SH3BP4: variants seen among roughly 807,000 people sequenced by gnomAD.
The protein encoded by SH3BP4 is SH3 domain-binding protein 4.
In SH3BP4, 33 loss-of-function variants were observed where a neutral mutation model predicts 65.5. The observed-to-expected ratio is 0.50, with a 90% CI of 0.38 to 0.67. SH3BP4 has a LOEUF of 0.67. Ranked by LOEUF, SH3BP4 falls within the 30% of genes least tolerant of loss-of-function variation. The pLI is 0.00. For synonymous variants in SH3BP4, 552 were observed against 545.5 expected (o/e 1.01, Z -0.17); for missense variants, 1,134 against 1,261.4 (o/e 0.90, Z 1.53).
rs117213817 is a variant in SH3BP4 at position 235,054,869 on chromosome 2, C to G, written c.*1053C>G. ...TGCAGAGGTGCCAGCTGCCATTTGC[C>G]AAACTCTGCATTTCATTTCATCTAA... is the stretch of plus-strand genomic sequence containing the variant. On this transcript the variant is annotated 3_prime_UTR_variant, in exon 6 of 6. Transcript: ENST00000392011. 6.6e-6 allele frequency: 1 copy of G among 152,210 alleles called. No homozygotes were observed. The highest frequency in any genetic ancestry group is 2.4e-5 in the African/African-American group (1 of 41,452). 9.4% of individuals were successfully genotyped at this position (152,210 alleles called of 1,614,324 possible). A position where few individuals can be genotyped will look rare whatever the true frequency, so the allele number is the denominator to read the frequency against.
In SH3BP4 at chr2:234,954,168, A is replaced by AT. The variant is rs1692537904; in HGVS notation, c.-207+2005dup. Among the ~76,000 whole-genome samples the AT allele has an allele frequency of 5.9e-5, 9 of 151,954 alleles. 1 individual carries two copies. Among genetic ancestry groups the AT allele is most frequent in the African/African-American group, 2.2e-4 (9 of 41,456 alleles). On this transcript the variant is annotated intron_variant, in intron 1 of 5. Transcript: ENST00000392011. ...GGACACTTCTGTGAGCTTTATTATT[A>AT]TTTTTTTCCTGTTGTCCCAAGACTA... is the stretch of plus-strand genomic sequence containing the variant.
At chr2:235,028,099 T>C (rs1261318082) in intron 2 of SH3BP4, among the ~76,000 whole-genome samples, 1 of 152,256 alleles carries the variant, frequency 6.6e-6, no homozygotes, top group Non-Finnish European at 1.5e-5. Context: ...AAGAGCAGCC[T>C]CTTTTGTCTC....
At position 234,976,013 on chromosome 2, in the gene SH3BP4, C is replaced by T. The variant is rs1693155428; in HGVS notation, c.-206-19290C>T. 6.6e-6 allele frequency among the ~76,000 whole-genome samples: 1 copy of T among 152,238 alleles called. No homozygotes were observed. Among genetic ancestry groups the T allele is most frequent in the Non-Finnish European group, 1.5e-5 (1 of 68,044 alleles). ...CTCCAGCCTCAGTTTCCTGTCTCGT[C>T]AGCCCCATAGAAACTGAGCTCTCCA... On this transcript the variant is annotated intron_variant, in intron 1 of 5. Coordinates refer to ENST00000392011, the MANE Select transcript of SH3BP4 (RefSeq NM_014521.3). The surrounding 1 kb of genome is among the most constrained non-coding windows in gnomAD (Gnocchi z 4.7).
At chr2:234,961,570 C>T (rs1214987680) in intron 1 of SH3BP4, among the ~76,000 whole-genome samples, 5 of 152,186 alleles carry the variant, frequency 3.3e-5, no homozygotes, top group African/African-American at 4.8e-5. Flanking sequence ...CTGCGCCCGG[C>T]CTCCATGTTG....
At chr2:234,987,606 G>T (rs1185807178) in intron 1 of SH3BP4, among the ~76,000 whole-genome samples, 1 of 152,152 alleles carries the variant, frequency 6.6e-6, no homozygotes, top group Non-Finnish European at 1.5e-5. Flanking sequence ...ACTTATTCAT[G>T]CGAGAGAGTT....
intron 1 of SH3BP4, among the ~76,000 whole-genome samples, chr2:234,984,889 A>T (rs1017106521): frequency 6.6e-6 from 1 of 152,138 alleles, no homozygotes; most frequent in African/African-American, 2.4e-5. Flanking sequence ...AGGAAAAGCT[A>T]ATCGGGGGTC....
intron 2 of SH3BP4, among the ~76,000 whole-genome samples, chr2:235,012,595 G>A (rs1229667968): frequency 1.3e-5 from 2 of 152,178 alleles, no homozygotes; most frequent in African/African-American, 2.4e-5. Context: ...CTGACCCCAA[G>A]CCTCGCTCAT....
intron 3 of SH3BP4, among the ~76,000 whole-genome samples, chr2:235,040,497 T>G (rs1307014481): frequency 1.3e-5 from 2 of 151,364 alleles, no homozygotes; most frequent in Non-Finnish European, 2.9e-5. Context: ...GTCACCGTGT[T>G]TTCTAAGTTA....
rs1696182889 is a variant in SH3BP4, at chr2:235,055,065, A to G, written c.*1249A>G. 6.6e-6 allele frequency: 1 copy of G among 152,252 alleles called. No individual in the cohort carries two copies. The highest frequency in any genetic ancestry group is 6.5e-5 in the Admixed American group (1 of 15,284). 9.4% of individuals were successfully genotyped at this position (152,252 alleles called of 1,614,324 possible). ...AGGAACTTGACACAGTGTTGCATTA[A>G]TAACTTTAGGGTGCAGACATGCTGT... On this transcript the variant is annotated 3_prime_UTR_variant, in exon 6 of 6. Coordinates refer to ENST00000392011, the MANE Select transcript of SH3BP4 (RefSeq NM_014521.3).
intron 4 of SH3BP4, among the ~76,000 whole-genome samples, chr2:235,050,369 A>G (rs578232444): frequency 2.0e-4 from 31 of 152,048 alleles, no homozygotes; most frequent in African/African-American, 7.0e-4. Flanking sequence ...CACCTGCCTC[A>G]GCCTCCCAAA....
chr2:235,037,887 A>C (rs1695437009), intron 3 of SH3BP4, among the ~76,000 whole-genome samples: 1 of 151,984 alleles, frequency 6.6e-6, no homozygotes, highest in African/African-American at 2.4e-5. Flanking sequence ...ATATTAAATA[A>C]TTTGTTGGTT....
intron 1 of SH3BP4, among the ~76,000 whole-genome samples, chr2:234,965,955 G>A (rs987967692): frequency 3.9e-5 from 6 of 152,184 alleles, no homozygotes; most frequent in Non-Finnish European, 7.4e-5. Context: ...GTCTGGAAGG[G>A]AATGTACAAA....
At chr2:235,029,951 A>G (rs1695127182) in intron 2 of SH3BP4, among the ~76,000 whole-genome samples, 1 of 152,184 alleles carries the variant, frequency 6.6e-6, no homozygotes, top group Non-Finnish European at 1.5e-5. Context: ...GGTTGAAGGA[A>G]CAATGCAGAG....
At chr2:234,961,576 T>A (rs1417311170) in intron 1 of SH3BP4, among the ~76,000 whole-genome samples, 3 of 152,106 alleles carry the variant, frequency 2.0e-5, no homozygotes. Flanking sequence ...CCGGCCTCCA[T>A]GTTGGTTTTG....
chr2:234,985,966 G>A (rs73124260), intron 1 of SH3BP4, among the ~76,000 whole-genome samples: 115 of 140,028 alleles, frequency 8.2e-4, no homozygotes, highest in African/African-American at 3.1e-3. Flanking sequence ...ATCTATGAGC[G>A]CAGAGACCAC....
Position 234,997,237 on chromosome 2 carries a change from C to CA in SH3BP4, c.-133+1862dup, listed in dbSNP as rs1438067923. ...TGATTTTCGTTTTGCCTTGTTTTCC[C>CA]AGAGGCATACATGTAGTGTTTTCTT... On this transcript the variant is annotated intron_variant, in intron 2 of 5. Coordinates refer to ENST00000392011, the MANE Select transcript of SH3BP4 (RefSeq NM_014521.3). The surrounding 1 kb of genome is among the most constrained non-coding windows in gnomAD (Gnocchi z 4.2). Among the ~76,000 whole-genome samples, 5 of 152,222 alleles carry CA rather than the reference C, an allele frequency of 3.3e-5. No homozygotes were observed. The highest frequency in any genetic ancestry group is 3.3e-4 in the Admixed American group (5 of 15,288).
At chr2:234,964,546 G>A (rs1057203601) in intron 1 of SH3BP4, among the ~76,000 whole-genome samples, 10 of 151,884 alleles carry the variant, frequency 6.6e-5, no homozygotes, top group Admixed American at 1.3e-4. Flanking sequence ...TGTACTGGGG[G>A]TCAGGACAGG....
At position 234,956,370 on chromosome 2, in the gene SH3BP4, A is replaced by G. The variant is rs536814109; in HGVS notation, c.-207+4200A>G. On this transcript the variant is annotated intron_variant, in intron 1 of 5. Coordinates refer to ENST00000392011, the MANE Select transcript of SH3BP4 (RefSeq NM_014521.3). ...TAAGGGTTCCACCTTCCTCTTTACAATCAAATAAATGACATACTAATGAGA... is the reference window on the plus strand; with the variant it reads ...TAAGGGTTCCACCTTCCTCTTTACAGTCAAATAAATGACATACTAATGAGA... Among the ~76,000 whole-genome samples the G allele has an allele frequency of 4.6e-5, 7 of 152,346 alleles. No individual in the cohort carries two copies. The South Asian group carries it at 1.0e-3, about 23-fold the overall frequency.
At chr2:234,957,864 G>A (rs1692623347) in intron 1 of SH3BP4, among the ~76,000 whole-genome samples, 1 of 152,106 alleles carries the variant, frequency 6.6e-6, no homozygotes, top group African/African-American at 2.4e-5. Flanking sequence ...TTGCAGAGCA[G>A]GGAATGTTTT....
Sources: allele counts gnomAD v4.1 joint callset (sites outside exome capture counted in the v4.1 genomes callset), GRCh38; gene constraint gnomAD v4.1.1; non-coding constraint Gnocchi (gnomAD v3.1); transcripts MANE v1.5; gene names NCBI Gene and HGNC (gene_info 2026-07-23, HGNC 2026-07-21).